SLC24A2: variants seen among roughly 807,000 people sequenced by gnomAD.
SLC24A2 encodes sodium/potassium/calcium exchanger 2.
Under a neutral mutation model 62.0 loss-of-function variants are expected in SLC24A2, and 36 were observed. That is an observed-to-expected ratio of 0.58 (90% CI 0.44 to 0.77). The LOEUF (loss-of-function observed/expected upper bound fraction) is 0.77, where lower values mean the gene tolerates loss of function less well. Among genes scored for constraint, SLC24A2 ranks in the 30% least tolerant of loss-of-function variants. SLC24A2 has a pLI of 0.00. For synonymous variants in SLC24A2, 358 were observed against 294.0 expected (o/e 1.22, Z -2.23); for missense variants, 846 against 817.9 (o/e 1.03, Z -0.42).
the SLC24A2 span, among the ~76,000 whole-genome samples, chr9:19,904,685 T>C: frequency 1.3e-5 from 2 of 152,232 alleles, no homozygotes; most frequent in African/African-American, 2.4e-5. Context: ...GCTGCATACA[T>C]TGTATGGTTT....
the SLC24A2 span, among the ~76,000 whole-genome samples, chr9:20,134,550 T>C: frequency 6.6e-6 from 1 of 152,112 alleles, no homozygotes; most frequent in Non-Finnish European, 1.5e-5. Flanking sequence ...CAATTTTGCA[T>C]AGTTTTAGAA....
chr9:20,202,152 A>G, the SLC24A2 span, among the ~76,000 whole-genome samples: 5 of 152,006 alleles, frequency 3.3e-5, no homozygotes, highest in South Asian at 8.3e-4. Flanking sequence ...TTGCTGAGAT[A>G]TATGAAGCAG....
the SLC24A2 span, among the ~76,000 whole-genome samples, chr9:20,060,616 C>T: frequency 1.3e-5 from 2 of 152,022 alleles, no homozygotes; most frequent in African/African-American, 4.8e-5. Context: ...ATGAAAATCT[C>T]TCAACAAACC....
At chr9:19,936,511 C>T in the SLC24A2 span, among the ~76,000 whole-genome samples, 3 of 152,254 alleles carry the variant, frequency 2.0e-5, no homozygotes, top group South Asian at 2.1e-4. Context: ...CGTGCTCAAG[C>T]GATCCACCTG....
chr9:19,625,062 G>C (rs1817999700), intron 2 of SLC24A2, among the ~76,000 whole-genome samples: 1 of 152,126 alleles, frequency 6.6e-6, no homozygotes, highest in African/African-American at 2.4e-5. Flanking sequence ...TTATTTTCAA[G>C]GCCATTAAAT....
In SLC24A2 at chr9:19,680,829, A is replaced by G. The variant is rs779209183; in HGVS notation, c.931-58530T>C. Among the ~76,000 whole-genome samples, 36 of 149,310 alleles carry G rather than the reference A, an allele frequency of 2.4e-4. No individual in the cohort carries two copies. The Middle Eastern group carries it at 0.014, about 56-fold the overall frequency. ...ATGATCAGACATTTATGCTGACTTT[A>G]AACTCAAAATATATACCAGAGTTGT... On this transcript the variant is annotated intron_variant, in intron 2 of 10. Transcript: ENST00000341998.
chr9:19,952,180 AT>A, the SLC24A2 span, among the ~76,000 whole-genome samples: 1 of 152,086 alleles, frequency 6.6e-6, no homozygotes, highest in Non-Finnish European at 1.5e-5. Flanking sequence ...TGTATCCTGT[AT>A]CCTTACCAAA....
At chr9:19,619,992 T>C (rs945715749) in intron 3 of SLC24A2, among the ~76,000 whole-genome samples, 3 of 152,194 alleles carry the variant, frequency 2.0e-5, no homozygotes, top group African/African-American at 4.8e-5. Flanking sequence ...ATGAACTAGA[T>C]GCTATTATTT....
chr9:19,785,481 G>A (rs200846040), intron 2 of SLC24A2, among the ~76,000 whole-genome samples: 5 of 152,150 alleles, frequency 3.3e-5, no homozygotes, highest in Non-Finnish European at 4.4e-5. Flanking sequence ...GTACAGCTAC[G>A]GTGACACAAA....
At chr9:20,203,337 C>T in the SLC24A2 span, among the ~76,000 whole-genome samples, 1 of 152,134 alleles carries the variant, frequency 6.6e-6, no homozygotes. Context: ...TGCAGTTCTT[C>T]TTATGGCAGG....
intron 4 of SLC24A2, among the ~76,000 whole-genome samples, chr9:19,606,764 C>T (rs1250134735): frequency 6.6e-6 from 1 of 152,200 alleles, no homozygotes; most frequent in Non-Finnish European, 1.5e-5. Context: ...ATAACATAGC[C>T]TCCTTTGAGC....
At chr9:20,043,534 A>G in the SLC24A2 span, among the ~76,000 whole-genome samples, 1 of 152,232 alleles carries the variant, frequency 6.6e-6, no homozygotes, top group South Asian at 2.1e-4. Flanking sequence ...CCAGGAGATC[A>G]AAACATCAAC....
intron 2 of SLC24A2, among the ~76,000 whole-genome samples, chr9:19,729,174 C>T (rs538608948): frequency 6.6e-6 from 1 of 152,220 alleles, no homozygotes; most frequent in Admixed American, 6.5e-5. Flanking sequence ...CAGATCAAAA[C>T]CACAAGGAAG....
At chr9:19,901,813 A>T in the SLC24A2 span, among the ~76,000 whole-genome samples, 3 of 152,068 alleles carry the variant, frequency 2.0e-5, no homozygotes, top group Non-Finnish European at 2.9e-5. Context: ...TAAGTCTCTT[A>T]TCTAGCCAAA....
At chr9:19,592,651 C>T (rs959103144) in intron 5 of SLC24A2, among the ~76,000 whole-genome samples, 1 of 152,068 alleles carries the variant, frequency 6.6e-6, no homozygotes, top group Admixed American at 6.6e-5. Context: ...CCTTTTAATC[C>T]ATCTGTCCCA....
At chr9:19,559,670 C>T (rs554696793) in intron 7 of SLC24A2, among the ~76,000 whole-genome samples, 3 of 152,168 alleles carry the variant, frequency 2.0e-5, no homozygotes, top group Admixed American at 6.5e-5. Context: ...GGTGCCCCCC[C>T]AGAAACATTC....
chr9:19,558,459 A>G (rs1456572688), intron 7 of SLC24A2, among the ~76,000 whole-genome samples: 1 of 152,166 alleles, frequency 6.6e-6, no homozygotes, highest in Admixed American at 6.5e-5. Context: ...CAAGTGCACT[A>G]TGGCCAAAAT....
the SLC24A2 span, among the ~76,000 whole-genome samples, chr9:19,964,753 T>A: frequency 6.6e-6 from 1 of 152,188 alleles, no homozygotes; most frequent in Non-Finnish European, 1.5e-5. Context: ...GCTAACTCAC[T>A]TTGTTGGCGT....
At chr9:20,068,079 T>A in the SLC24A2 span, among the ~76,000 whole-genome samples, 1 of 147,168 alleles carries the variant, frequency 6.8e-6, no homozygotes, top group Non-Finnish European at 1.5e-5. Flanking sequence ...TTTTTTTTTT[T>A]TGGAGACGGA....
Sources: gnomAD v4.1 joint callset for allele counts (sites outside exome capture counted in the v4.1 genomes callset) on GRCh38, gnomAD v4.1.1 for gene constraint, MANE v1.5 for transcripts, NCBI Gene and HGNC (gene_info 2026-07-23, HGNC 2026-07-21) for gene names.